The following TECRL variants were observed in gnomAD, a reference collection of about 807,000 sequenced individuals.
The protein encoded by TECRL is trans-2,3-enoyl-CoA reductase like.
Under a neutral mutation model 52.8 loss-of-function variants are expected in TECRL, and 63 were observed. The observed-to-expected ratio is 1.19, with a 90% CI of 0.97 to 1.47. The LOEUF (loss-of-function observed/expected upper bound fraction) is 1.47. Among genes scored for constraint, TECRL ranks in the 40% most tolerant of loss-of-function variants. TECRL has a pLI of 0.00. For synonymous variants in TECRL, 164 were observed against 141.9 expected, an observed-to-expected ratio of 1.16 and a Z score of -1.10; for missense variants, 482 against 429.6, an observed-to-expected ratio of 1.12 and a Z score of -1.08.
At chr4:64,276,784 CTT>C (rs911843588), downstream of TECRL, 7 of 296,822 alleles carry the variant, frequency 2.4e-5, no homozygotes, top group Admixed American at 3.5e-4. Context: ...GCAATGCAAA[CTT>C]ATTATTTACA....
At chr4:64,372,426 A>G (rs1359067102) in intron 2 of TECRL, among the ~76,000 whole-genome samples, 1 of 151,824 alleles carries the variant, frequency 6.6e-6, no homozygotes, top group Non-Finnish European at 1.5e-5. Flanking sequence ...CAGCTAACAC[A>G]TGAAGAGTGG....
chr4:64,280,088 A>T lies in TECRL; in HGVS notation c.1076T>A (p.Ile359Asn), dbSNP rs768366197. The change falls in exon 12 of 12, where the codon ATT (isoleucine) becomes AAT (asparagine). Residue 359 changes from isoleucine to asparagine, a missense_variant. Transcript: ENST00000381210. The part of the protein sequence containing the change: ...NSYIHRKSAM[I>N]PFIL Reference sequence around the variant, plus strand: ...ATTCTTTTTTTACAATATGAATGGAATCATTGCTGATTTTCTATGAATATA... The same window carrying T: ...ATTCTTTTTTTACAATATGAATGGATTCATTGCTGATTTTCTATGAATATA... 3 of 1,593,702 alleles carry T rather than the reference A, an allele frequency of 1.9e-6. No homozygotes were observed. The highest frequency in any genetic ancestry group is 2.6e-6 in the Non-Finnish European group (3 of 1,172,656).
chr4:64,362,680 C>T (rs1344970654), intron 2 of TECRL, among the ~76,000 whole-genome samples: 1 of 151,988 alleles, frequency 6.6e-6, no homozygotes, highest in Non-Finnish European at 1.5e-5. Context: ...GACTGCCTTA[C>T]AAAAAGTTCT....
chr4:64,393,988 T>C (rs1202040842), intron 1 of TECRL, among the ~76,000 whole-genome samples: 2 of 152,102 alleles, frequency 1.3e-5, no homozygotes, highest in African/African-American at 4.8e-5. Context: ...TCAGACTTTT[T>C]TGGAGTAAGA....
intron 8 of TECRL, 146 bp from the exon 9 acceptor site, chr4:64,289,913 T>A (rs1577807657): frequency 8.5e-6 from 4 of 469,468 alleles, no homozygotes; most frequent in Admixed American, 4.5e-5. Context: ...TAAAGAGAAA[T>A]TTTTTTTAAT....
At chr4:64,289,117 T>C (rs1723237724) in intron 9 of TECRL, among the ~76,000 whole-genome samples, 1 of 152,192 alleles carries the variant, frequency 6.6e-6, no homozygotes, top group Non-Finnish European at 1.5e-5. Context: ...AAAAATGTGT[T>C]GATTATAATG....
rs1268060901 is a variant in TECRL, at chr4:64,300,034, G to C, written c.731-17C>G. On this transcript the variant is annotated splice_polypyrimidine_tract_variant and intron_variant, in intron 7 of 11. Transcript: ENST00000381210. ...TTCCAAATGCTGGAGAGTAGAAAAAGAATATGTCATGCAGATACTCATAGT... is the reference window on the plus strand; with the variant it reads ...TTCCAAATGCTGGAGAGTAGAAAAACAATATGTCATGCAGATACTCATAGT... 6.4e-7 allele frequency: 1 copy of C among 1,561,676 alleles called. No individual in the cohort carries two copies.
intron 9 of TECRL, among the ~76,000 whole-genome samples, chr4:64,282,979 A>T (rs1722900823): frequency 6.6e-6 from 1 of 151,942 alleles, no homozygotes; most frequent in African/African-American, 2.4e-5. Flanking sequence ...CTTTAGGCAT[A>T]TAAGGTTTAT....
intron 2 of TECRL, among the ~76,000 whole-genome samples, chr4:64,360,046 A>C (rs899913669): frequency 1.3e-5 from 2 of 152,184 alleles, no homozygotes. Context: ...ATATATCTTT[A>C]GCTGAACTTC....
rs772667979 is a variant in TECRL, at chr4:64,299,992, T to C, written c.756A>G (p.Val252=). 2 of 1,582,664 alleles carry C rather than the reference T, an allele frequency of 1.3e-6. No individual in the cohort carries two copies. Among genetic ancestry groups the C allele is most frequent in the South Asian group, 1.1e-5 (1 of 87,048 alleles). ...TACATACCAGAAAATTGATAGCAGA[T>C]ACTGTGATTTGCCTGTTTCCAAATG... ...PPSFGNRQIT[V]SAINFLICEA... The change falls in exon 8 of 12, where the codon GTA becomes GTG. Residue 252 remains valine, a synonymous_variant. Coordinates refer to ENST00000381210, the MANE Select transcript of TECRL (RefSeq NM_001010874.5).
chr4:64,382,991 T>G (rs1230490840), intron 1 of TECRL, among the ~76,000 whole-genome samples: 1 of 152,196 alleles, frequency 6.6e-6, no homozygotes, highest in Non-Finnish European at 1.5e-5. Context: ...ATGATTTCTT[T>G]CAGTTTTTGC....
chr4:64,309,675 G>T (rs1036439566), intron 6 of TECRL, 151 bp downstream of exon 6: 4 of 648,854 alleles, frequency 6.2e-6, no homozygotes, highest in African/African-American at 3.8e-5. Context: ...CACGCAAAAA[G>T]AATGACATTT....
chr4:64,344,565 G>A (rs754976831), intron 2 of TECRL, among the ~76,000 whole-genome samples: 2 of 152,120 alleles, frequency 1.3e-5, no homozygotes, highest in African/African-American at 4.8e-5. Context: ...AAACATTAAT[G>A]GTGAATGTTG....
intron 2 of TECRL, among the ~76,000 whole-genome samples, chr4:64,333,202 T>C (rs1718772022): frequency 1.3e-5 from 2 of 152,150 alleles, no homozygotes; most frequent in Admixed American, 6.5e-5. Context: ...AAAAATGTCA[T>C]AAATATTACC....
chr4:64,306,546 G>A (rs1463868496), intron 6 of TECRL, among the ~76,000 whole-genome samples: 1 of 152,116 alleles, frequency 6.6e-6, no homozygotes, highest in Non-Finnish European at 1.5e-5. Flanking sequence ...GCAACCAGGA[G>A]AGATAATATT....
intron 3 of TECRL, 22 bp downstream of exon 3, chr4:64,328,490 A>T (rs146825744): frequency 3.2e-4 from 509 of 1,603,602 alleles, no homozygotes; most frequent in Non-Finnish European, 4.1e-4. Context: ...AAATAAACAC[A>T]TCAGTGAAAA....
intron 8 of TECRL, among the ~76,000 whole-genome samples, chr4:64,291,155 A>G (rs925776503): frequency 1.3e-5 from 2 of 152,094 alleles, no homozygotes; most frequent in African/African-American, 2.4e-5. Context: ...TTCTTCACCT[A>G]AATGCAAATA....
chr4:64,378,942 AC>A lies in TECRL; in HGVS notation c.235-3720del, dbSNP rs1451451493. 2.4e-3 allele frequency among the ~76,000 whole-genome samples: 68 copies of A among 28,162 alleles called. No homozygotes were observed. In the Middle Eastern group the frequency reaches 0.22, roughly 91 times the overall value. 18.5% of individuals were successfully genotyped at this position (28,162 alleles called of 152,430 possible). On this transcript the variant is annotated intron_variant, in intron 1 of 11. Transcript: ENST00000381210. ...TAAAATTAGTTCTTTGTTAAGTAAA[AC>A]TATATGTATATACATATATATGTAT...
At chr4:64,375,318 T>C in intron 1 of TECRL, 95 bp from the exon 2 acceptor site, 1 of 598,496 alleles carries the variant, frequency 1.7e-6, no homozygotes. Context: ...CATAAAATTC[T>C]TACACAATAA....
Sources: allele counts gnomAD v4.1 joint callset (sites outside exome capture counted in the v4.1 genomes callset), GRCh38; gene constraint gnomAD v4.1.1; transcripts MANE v1.5; gene names NCBI Gene and HGNC (gene_info 2026-07-23, HGNC 2026-07-21).